SAMTOR: variants seen among roughly 807,000 people sequenced by gnomAD.
SAMTOR encodes the protein UPF0532 protein C7orf60.
chr7:112,902,379 G>A, the SAMTOR span, among the ~76,000 whole-genome samples: 1 of 122,562 alleles, frequency 8.2e-6, no homozygotes, highest in African/African-American at 3.2e-5. Context: ...TCGCGGCATT[G>A]CACTCCAGCC....
the SAMTOR span, among the ~76,000 whole-genome samples, chr7:112,839,922 G>A: frequency 6.6e-6 from 1 of 151,750 alleles, no homozygotes; most frequent in Middle Eastern, 3.2e-3. Flanking sequence ...CTCATGTTTT[G>A]GATATCTCTC....
the SAMTOR span, among the ~76,000 whole-genome samples, chr7:112,875,412 T>C: frequency 6.6e-6 from 1 of 152,172 alleles, no homozygotes; most frequent in Non-Finnish European, 1.5e-5. Context: ...TCAATTCCAA[T>C]AGTCTCTACC....
At chr7:112,840,972 T>A in the SAMTOR span, among the ~76,000 whole-genome samples, 1 of 151,976 alleles carries the variant, frequency 6.6e-6, no homozygotes, top group East Asian at 1.9e-4. Flanking sequence ...CCACAGCCAA[T>A]ATCATACTGA....
At chr7:112,872,235 A>G in the SAMTOR span, among the ~76,000 whole-genome samples, 2 of 152,234 alleles carry the variant, frequency 1.3e-5, no homozygotes, top group African/African-American at 4.8e-5. Flanking sequence ...CCACAGTAAA[A>G]TACTAGCAAA....
At chr7:112,929,635 A>C in the SAMTOR span, among the ~76,000 whole-genome samples, 3 of 152,168 alleles carry the variant, frequency 2.0e-5, no homozygotes, top group Admixed American at 1.3e-4. Flanking sequence ...GCAATCCTAT[A>C]ATCATTGCAG....
chr7:112,896,911 A>G, the SAMTOR span, among the ~76,000 whole-genome samples: 1 of 152,208 alleles, frequency 6.6e-6, no homozygotes, highest in Admixed American at 6.5e-5. Context: ...AAGCAAAGAC[A>G]TGAAAGAGAA....
the SAMTOR span, among the ~76,000 whole-genome samples, chr7:112,834,135 T>C: frequency 6.6e-6 from 1 of 152,226 alleles, no homozygotes; most frequent in Non-Finnish European, 1.5e-5. Flanking sequence ...TGCTGTACAG[T>C]AGTACACTTA....
chr7:112,882,762 T>TC, the SAMTOR span, among the ~76,000 whole-genome samples: 9 of 40,652 alleles, frequency 2.2e-4, no homozygotes, highest in African/African-American at 6.1e-4. Flanking sequence ...GTAACATCTT[T>TC]TTTTAAAAAA....
chr7:112,927,073 C>T, the SAMTOR span, among the ~76,000 whole-genome samples: 1 of 151,826 alleles, frequency 6.6e-6, no homozygotes, highest in East Asian at 1.9e-4. Context: ...TTCATAATAG[C>T]CCATTTTTTG....
the SAMTOR span, among the ~76,000 whole-genome samples, chr7:112,898,749 C>T: frequency 3.3e-5 from 5 of 152,322 alleles, no homozygotes; most frequent in African/African-American, 1.2e-4. Flanking sequence ...CATAAACAGA[C>T]ACTCATTCCA....
At chr7:112,820,288 C>G in the SAMTOR span, 1 of 152,322 alleles carries the variant, frequency 6.6e-6, no homozygotes, top group Non-Finnish European at 1.5e-5. Context: ...TCACAATAAG[C>G]ACAAAAACAT....
chr7:112,895,775 G>A, the SAMTOR span: 8 of 1,354,330 alleles, frequency 5.9e-6, no homozygotes, highest in Middle Eastern at 2.0e-4. Flanking sequence ...TTAACATACT[G>A]TGTACGACTA....
chr7:112,857,259 T>G, the SAMTOR span, among the ~76,000 whole-genome samples: 5 of 149,002 alleles, frequency 3.4e-5, no homozygotes, highest in African/African-American at 1.3e-4. Context: ...GCCCGGCTAA[T>G]TTTTTGTATT....
At chr7:112,922,128 G>A in the SAMTOR span, among the ~76,000 whole-genome samples, 3 of 152,158 alleles carry the variant, frequency 2.0e-5, no homozygotes, top group East Asian at 1.9e-4. Context: ...ACTGGTTTTC[G>A]TATTTTTTTG....
the SAMTOR span, among the ~76,000 whole-genome samples, chr7:112,914,043 G>C: frequency 6.6e-6 from 1 of 151,946 alleles, no homozygotes; most frequent in South Asian, 2.1e-4. Context: ...GTACAAAGTA[G>C]ACAATCACTA....
the SAMTOR span, chr7:112,832,437 T>G: frequency 1.5e-6 from 1 of 645,382 alleles, no homozygotes; most frequent in Non-Finnish European, 2.8e-6. Context: ...GTATTTAGTT[T>G]TGAAATCTCT....
chr7:112,887,294 T>A, the SAMTOR span, among the ~76,000 whole-genome samples: 14 of 151,108 alleles, frequency 9.3e-5, no homozygotes, highest in South Asian at 3.0e-3. Flanking sequence ...CTTAGGTTTG[T>A]TTCCATCACC....
chr7:112,923,072 G>A, the SAMTOR span, among the ~76,000 whole-genome samples: 3 of 152,224 alleles, frequency 2.0e-5, no homozygotes, highest in Admixed American at 1.3e-4. Context: ...GAAATCGGAT[G>A]GTTGCTATGT....
chr7:112,846,617 T>C, the SAMTOR span, among the ~76,000 whole-genome samples: 1 of 152,306 alleles, frequency 6.6e-6, no homozygotes, highest in African/African-American at 2.4e-5. Flanking sequence ...CAGAAAAGGC[T>C]GTCAAATAAA....
Sources: allele counts gnomAD v4.1 joint callset (sites outside exome capture counted in the v4.1 genomes callset), GRCh38; gene constraint gnomAD v4.1.1; transcripts MANE v1.5; gene names NCBI Gene and HGNC (gene_info 2026-07-23, HGNC 2026-07-21).